The following EGF variants were observed in gnomAD, a reference collection of about 807,000 sequenced individuals.
EGF encodes pro-epidermal growth factor.
EGF carries 95 observed loss-of-function variants against 143.8 expected under a neutral mutation model. That is an observed-to-expected ratio of 0.66 (90% CI 0.56 to 0.78). The LOEUF (loss-of-function observed/expected upper bound fraction) is 0.78, where lower values mean the gene tolerates loss of function less well. Ranked by LOEUF, EGF falls within the 30% of genes least tolerant of loss-of-function variation. The probability of loss-of-function intolerance (pLI) is 0.00; values close to 1 mark genes in which losing one functional copy is unlikely to be tolerated. For synonymous variants in EGF, 510 were observed against 510.5 expected (o/e 1.00, Z 0.01); for missense variants, 1,320 against 1,470.9 (o/e 0.90, Z 1.68).
At chr4:109,951,674 A>G (rs1743950775) in intron 5 of EGF, among the ~76,000 whole-genome samples, 2 of 152,218 alleles carry the variant, frequency 1.3e-5, no homozygotes, top group African/African-American at 2.4e-5. Context: ...TTAGTGTAAT[A>G]TTATAAATTA....
intron 18 of EGF, among the ~76,000 whole-genome samples, chr4:109,989,700 G>T (rs1380625747): frequency 1.3e-5 from 2 of 152,170 alleles, no homozygotes; most frequent in East Asian, 1.9e-4. Context: ...ATTTAGACAA[G>T]CTGATTTCAT....
At chr4:109,928,166 G>A (rs569318779) in intron 1 of EGF, among the ~76,000 whole-genome samples, 4 of 152,286 alleles carry the variant, frequency 2.6e-5, no homozygotes, top group Non-Finnish European at 2.9e-5. Flanking sequence ...ATTTAACAAA[G>A]ATGTTAAAGC....
chr4:109,945,307 A>G (rs1257685669), intron 5 of EGF, 32 bp downstream of exon 5: 5 of 1,600,256 alleles, frequency 3.1e-6, no homozygotes, highest in Non-Finnish European at 4.3e-6. Flanking sequence ...GCAGGGCCTG[A>G]CACATAGTTC....
At chr4:109,982,645 TTTTC>T (rs1749556714) in intron 15 of EGF, among the ~76,000 whole-genome samples, 1 of 152,112 alleles carries the variant, frequency 6.6e-6, no homozygotes, top group African/African-American at 2.4e-5. Context: ...TTTTCTTTTC[TTTTC>T]TTTTTTAATA....
intron 1 of EGF, among the ~76,000 whole-genome samples, chr4:109,928,078 G>A (rs1331168299): frequency 6.6e-6 from 1 of 152,082 alleles, no homozygotes; most frequent in Non-Finnish European, 1.5e-5. Flanking sequence ...TGTAGTATTG[G>A]ATAAGGGATA....
chr4:109,987,655 G>A, intron 16 of EGF, 89 bp from the exon 17 acceptor site: 2 of 1,057,150 alleles, frequency 1.9e-6, no homozygotes, highest in Non-Finnish European at 3.0e-6. Context: ...GAAAGGAAGT[G>A]GTGGACTGTT....
chr4:110,004,204 A>T, intron 21 of EGF: 1 of 412,376 alleles, frequency 2.4e-6, no homozygotes, highest in Non-Finnish European at 4.5e-6. Flanking sequence ...CCCAACATAC[A>T]TGGGCATACA....
Position 110,004,486 on chromosome 4 carries a change from A to T in EGF, c.3174-19A>T, listed in dbSNP as rs760115950. 1.9e-6 allele frequency: 3 copies of T among 1,610,932 alleles called. No homozygotes were observed. The South Asian group carries it at 3.3e-5, about 18-fold the overall frequency. ...TTTGTTTTGTTGTGAGATTGTCTCA[A>T]ATTTTGGCTTTATCACAGGACTCAG... On this transcript the variant is annotated intron_variant, in intron 21 of 23. Coordinates refer to ENST00000265171, the MANE Select transcript of EGF (RefSeq NM_001963.6).
Position 109,976,113 on chromosome 4 carries a change from C to T in EGF, c.1931C>T (p.Pro644Leu), listed in dbSNP as rs1748456608. ...ATAGCCAGCTCTGATCTAATCTGGCCCAGTGGAATAACGATTGACTTCTTA... is the reference window on the plus strand; with the variant it reads ...ATAGCCAGCTCTGATCTAATCTGGCTCAGTGGAATAACGATTGACTTCTTA... ...LVIASSDLIW[P>L]SGITIDFLTD... Residue 644 changes from proline to leucine, a missense_variant, in exon 13 of 24, where the codon CCC becomes CTC. Pro to Leu is a moderately conservative substitution (Grantham distance 98). Coordinates refer to ENST00000265171, the MANE Select transcript of EGF (RefSeq NM_001963.6). 6.2e-7 allele frequency: 1 copy of T among 1,613,978 alleles called. No homozygotes were observed. Among genetic ancestry groups the T allele is most frequent in the Non-Finnish European group, 8.5e-7 (1 of 1,179,990 alleles).
chr4:109,984,097 G>T (rs960970257), intron 16 of EGF, among the ~76,000 whole-genome samples: 1 of 152,118 alleles, frequency 6.6e-6, no homozygotes, highest in Admixed American at 6.6e-5. Flanking sequence ...GAGGTCAGTG[G>T]TTTTTCCAGC....
At chr4:110,004,134 C>G in intron 21 of EGF, 1 of 349,494 alleles carries the variant, frequency 2.9e-6, no homozygotes, top group Non-Finnish European at 5.6e-6. Context: ...TAGGACAGTG[C>G]CTGGGGTATA....
intron 1 of EGF, among the ~76,000 whole-genome samples, chr4:109,929,921 C>T (rs1739386248): frequency 6.6e-6 from 1 of 152,086 alleles, no homozygotes; most frequent in Admixed American, 6.5e-5. Context: ...ATTGTAATCC[C>T]CAGGTGTTGA....
At chr4:109,994,999 A>C (rs1751567347) in intron 20 of EGF, 119 bp downstream of exon 20, 1 of 1,287,886 alleles carries the variant, frequency 7.8e-7, no homozygotes, top group African/African-American at 1.5e-5. Context: ...TTTTGGAAAA[A>C]TATAAACATA....
intron 1 of EGF, among the ~76,000 whole-genome samples, chr4:109,915,444 A>G (rs185879487): frequency 6.6e-6 from 1 of 152,298 alleles, no homozygotes; most frequent in East Asian, 1.9e-4. Context: ...ATACGATGAG[A>G]TGCCGTATTT....
At chr4:109,917,357 G>A (rs1736849754) in intron 1 of EGF, among the ~76,000 whole-genome samples, 1 of 152,168 alleles carries the variant, frequency 6.6e-6, no homozygotes, top group African/African-American at 2.4e-5. Context: ...TCTATCAAAA[G>A]TAAACAGACT....
intron 10 of EGF, among the ~76,000 whole-genome samples, chr4:109,967,886 C>T (rs1578288929): frequency 6.6e-6 from 1 of 151,924 alleles, no homozygotes; most frequent in Non-Finnish European, 1.5e-5. Context: ...AGAAAAGGTA[C>T]AGTAAAAAAT....
intron 1 of EGF, among the ~76,000 whole-genome samples, chr4:109,913,975 C>T (rs1484014966): frequency 6.6e-6 from 1 of 152,202 alleles, no homozygotes; most frequent in Non-Finnish European, 1.5e-5. Flanking sequence ...CAACCTCCTT[C>T]ACTTTCTCCC....
intron 1 of EGF, 171 bp from the exon 2 acceptor site, chr4:109,940,775 A>G: frequency 1.6e-6 from 1 of 635,898 alleles, no homozygotes; most frequent in Non-Finnish European, 2.7e-6. Flanking sequence ...TACAAAGTGG[A>G]GTGTGAATAT....
intron 10 of EGF, among the ~76,000 whole-genome samples, chr4:109,965,211 A>ATGTATCATTGGG (rs1337917134): frequency 6.6e-6 from 1 of 152,146 alleles, no homozygotes; most frequent in Non-Finnish European, 1.5e-5. Flanking sequence ...TCACCCAATA[A>ATGTATCATTGGG]TGATACATTT....
Sources: gnomAD v4.1 joint callset for allele counts (sites outside exome capture counted in the v4.1 genomes callset) on GRCh38, gnomAD v4.1.1 for gene constraint, MANE v1.5 for transcripts, NCBI Gene and HGNC (gene_info 2026-07-23, HGNC 2026-07-21) for gene names.